The following DNAJC1 variants were observed in gnomAD, a reference collection of about 807,000 sequenced individuals.
The protein encoded by DNAJC1 is DnaJ heat shock protein family (Hsp40) member C1, also known as dnaJ homolog subfamily C member 1.
DNAJC1 carries 58 observed loss-of-function variants against 76.6 expected under a neutral mutation model. The ratio of observed to expected loss-of-function variants is 0.76; its 90% CI spans 0.61 to 0.94. The LOEUF is 0.94. DNAJC1 is among the 40% of genes least tolerant of loss of function. The pLI, the probability that DNAJC1 is intolerant of heterozygous loss-of-function variation, is 0.00. For synonymous variants in DNAJC1, 258 were observed against 267.9 expected (o/e 0.96, Z 0.36); for missense variants, 689 against 677.3 (o/e 1.02, Z -0.19).
At chr10:21,801,536 G>T (rs1450905158) in intron 9 of DNAJC1, among the ~76,000 whole-genome samples, 1 of 152,320 alleles carries the variant, frequency 6.6e-6, no homozygotes, top group African/African-American at 2.4e-5. Flanking sequence ...CTGTAGGTAG[G>T]AGTGTAAATT....
intron 1 of DNAJC1, among the ~76,000 whole-genome samples, chr10:21,985,436 G>C (rs58327563): frequency 6.6e-6 from 1 of 151,660 alleles, no homozygotes; most frequent in African/African-American, 2.4e-5. Flanking sequence ...TTTAGCAGAG[G>C]TGGGGTTTCA....
chr10:21,953,500 T>C (rs950026449), intron 1 of DNAJC1, among the ~76,000 whole-genome samples: 1 of 151,886 alleles, frequency 6.6e-6, no homozygotes, highest in Non-Finnish European at 1.5e-5. Context: ...CTGAAATAAA[T>C]TCACCCTTAA....
At chr10:21,824,288 GCAAGAA>G in intron 8 of DNAJC1, among the ~76,000 whole-genome samples, 1 of 152,290 alleles carries the variant, frequency 6.6e-6, no homozygotes, top group Admixed American at 6.5e-5. Flanking sequence ...ACTAGGCTAG[GCAAGAA>G]GAGTATATTA....
At chr10:21,888,120 A>G (rs775995629) in intron 7 of DNAJC1, among the ~76,000 whole-genome samples, 7 of 152,208 alleles carry the variant, frequency 4.6e-5, no homozygotes, top group Non-Finnish European at 1.0e-4. Flanking sequence ...TGCAGCCAAT[A>G]AGCACATGAA....
chr10:21,863,629 A>T (rs1835951245), intron 8 of DNAJC1, among the ~76,000 whole-genome samples: 1 of 152,154 alleles, frequency 6.6e-6, no homozygotes, highest in Admixed American at 6.5e-5. Flanking sequence ...CACAATATAT[A>T]AGAAGGCTAA....
chr10:21,807,473 A>G (rs570309342), intron 8 of DNAJC1, among the ~76,000 whole-genome samples: 2 of 152,258 alleles, frequency 1.3e-5, no homozygotes, highest in East Asian at 3.9e-4. Flanking sequence ...CCATGTCCAA[A>G]TGGCAGCTTC....
intron 8 of DNAJC1, among the ~76,000 whole-genome samples, chr10:21,816,680 G>C (rs948933074): frequency 8.0e-5 from 12 of 150,774 alleles, no homozygotes; most frequent in African/African-American, 2.9e-4. Flanking sequence ...CGAGTAGCTG[G>C]AACTACAGGC....
chr10:21,809,323 T>C (rs1256774135), intron 8 of DNAJC1, among the ~76,000 whole-genome samples: 1 of 151,934 alleles, frequency 6.6e-6, no homozygotes, highest in Non-Finnish European at 1.5e-5. Context: ...TTCTATCTAA[T>C]AAATAGATAC....
At chr10:21,926,442 G>GTTA (rs1837130722) in intron 3 of DNAJC1, among the ~76,000 whole-genome samples, 2 of 152,014 alleles carry the variant, frequency 1.3e-5, no homozygotes, top group African/African-American at 4.8e-5. Context: ...TTCCTGGAAG[G>GTTA]TTACACATTT....
At chr10:21,943,034 AT>A (rs888809731) in intron 1 of DNAJC1, among the ~76,000 whole-genome samples, 6 of 151,628 alleles carry the variant, frequency 4.0e-5, no homozygotes, top group South Asian at 2.1e-4. Flanking sequence ...AGTTAAAAAA[AT>A]TTTTTTTTCA....
chr10:21,792,564 CTGGCCAACA>C (rs1179990995), intron 9 of DNAJC1, among the ~76,000 whole-genome samples: 1 of 152,010 alleles, frequency 6.6e-6, no homozygotes, highest in East Asian at 1.9e-4. Flanking sequence ...TCTGACCATC[CTGGCCAACA>C]TGGTGAAACC....
intron 1 of DNAJC1, among the ~76,000 whole-genome samples, chr10:21,942,895 A>G (rs1168239881): frequency 1.3e-5 from 2 of 152,104 alleles, no homozygotes; most frequent in Non-Finnish European, 2.9e-5. Context: ...AAAATGAGCA[A>G]TAAGTCTGGT....
chr10:21,825,848 C>T (rs1248529919), intron 8 of DNAJC1, among the ~76,000 whole-genome samples: 1 of 152,156 alleles, frequency 6.6e-6, no homozygotes, highest in African/African-American at 2.4e-5. Flanking sequence ...CTACTAAAAT[C>T]CTTTGCTCAT....
chr10:21,836,281 G>A (rs1282453187), intron 8 of DNAJC1, among the ~76,000 whole-genome samples: 2 of 152,160 alleles, frequency 1.3e-5, no homozygotes. Flanking sequence ...AATGCTGAGA[G>A]ATTTTGTCAC....
intron 8 of DNAJC1, among the ~76,000 whole-genome samples, chr10:21,810,668 T>G (rs1834950165): frequency 6.6e-6 from 1 of 152,196 alleles, no homozygotes; most frequent in Non-Finnish European, 1.5e-5. Context: ...GGGCCTTTAA[T>G]GATTAAAACC....
At chr10:21,856,476 G>C (rs1387461294) in intron 8 of DNAJC1, among the ~76,000 whole-genome samples, 1 of 152,104 alleles carries the variant, frequency 6.6e-6, no homozygotes, top group Non-Finnish European at 1.5e-5. Context: ...CTACTACTAT[G>C]CATCTACTTC....
chr10:21,876,461 G>A (rs748703860), intron 8 of DNAJC1, among the ~76,000 whole-genome samples: 18 of 152,218 alleles, frequency 1.2e-4, no homozygotes, highest in South Asian at 2.1e-4. Context: ...ATGGGTTTTA[G>A]AGTCAATACA....
At chr10:21,965,413 A>G (rs1837875764) in intron 1 of DNAJC1, among the ~76,000 whole-genome samples, 1 of 152,168 alleles carries the variant, frequency 6.6e-6, no homozygotes, top group African/African-American at 2.4e-5. Flanking sequence ...ACTCACATTG[A>G]TGCAATACTA....
At chr10:21,801,781 T>C (rs1834817685) in intron 9 of DNAJC1, among the ~76,000 whole-genome samples, 1 of 152,176 alleles carries the variant, frequency 6.6e-6, no homozygotes, top group Non-Finnish European at 1.5e-5. Flanking sequence ...TGTGATTATA[T>C]ATACACCACG....
Sources: gnomAD v4.1 joint callset for allele counts (sites outside exome capture counted in the v4.1 genomes callset) on GRCh38, gnomAD v4.1.1 for gene constraint, MANE v1.5 for transcripts, NCBI Gene and HGNC (gene_info 2026-07-23, HGNC 2026-07-21) for gene names.